Variants in ABLIM1 observed in about 807,000 individuals in gnomAD.
ABLIM1 encodes the protein actin-binding LIM protein 1.
Under a neutral mutation model 107.0 loss-of-function variants are expected in ABLIM1, and 40 were observed. The observed-to-expected ratio is 0.37, with a 90% CI of 0.29 to 0.49. The LOEUF is 0.49. Among genes scored for constraint, ABLIM1 ranks in the 20% least tolerant of loss-of-function variants. ABLIM1 has a pLI of 0.97. For synonymous variants in ABLIM1, 357 were observed against 357.3 expected (o/e 1.00, Z 0.01); for missense variants, 857 against 1,008.5 (o/e 0.85, Z 2.04).
upstream of ABLIM1, among the ~76,000 whole-genome samples, chr10:114,689,294 C>T (rs1566241417): frequency 6.6e-6 from 1 of 152,114 alleles, no homozygotes; most frequent in Non-Finnish European, 1.5e-5. Context: ...GCCAATAATA[C>T]CCATCCTATC....
intron 1 of ABLIM1, chr10:114,613,676 G>A (rs953599371): frequency 1.5e-6 from 2 of 1,326,556 alleles, no homozygotes; most frequent in East Asian, 5.0e-5. Context: ...TCCAGTGTCT[G>A]CACACCCACT....
intron 1 of ABLIM1, among the ~76,000 whole-genome samples, chr10:114,766,425 T>C (rs2142732429): frequency 6.6e-6 from 1 of 152,288 alleles, no homozygotes; most frequent in East Asian, 1.9e-4. Context: ...GAAGAAATGT[T>C]TGAGAACTCA....
intron 12 of ABLIM1, among the ~76,000 whole-genome samples, chr10:114,458,244 A>G (rs2063206907): frequency 6.6e-6 from 1 of 151,982 alleles, no homozygotes; most frequent in African/African-American, 2.4e-5. Flanking sequence ...AAGCTACTAT[A>G]TTTCTATTTA....
intron 1 of ABLIM1, among the ~76,000 whole-genome samples, chr10:114,701,820 T>C (rs771442432): frequency 9.2e-5 from 14 of 152,210 alleles, no homozygotes; most frequent in African/African-American, 2.9e-4. Context: ...TAGAGGTCTA[T>C]GGGTGACATA....
At chr10:114,559,620 G>A (rs2069367829) in intron 4 of ABLIM1, among the ~76,000 whole-genome samples, 1 of 152,128 alleles carries the variant, frequency 6.6e-6, no homozygotes, top group South Asian at 2.1e-4. Context: ...CTCTACCAGT[G>A]CTTCCCTGTG....
intron 1 of ABLIM1, among the ~76,000 whole-genome samples, chr10:114,750,731 T>C (rs892617546): frequency 2.6e-5 from 4 of 152,236 alleles, no homozygotes; most frequent in Non-Finnish European, 4.4e-5. Flanking sequence ...AAAGAAATTG[T>C]CCTAACAGGC....
At chr10:114,721,716 G>A (rs1036106060) in intron 1 of ABLIM1, among the ~76,000 whole-genome samples, 12 of 151,864 alleles carry the variant, frequency 7.9e-5, no homozygotes, top group East Asian at 3.9e-4. Context: ...TTGAACTCCC[G>A]ACCTCAGGTA....
At chr10:114,507,016 T>C (rs750105176) in intron 6 of ABLIM1, among the ~76,000 whole-genome samples, 5 of 152,226 alleles carry the variant, frequency 3.3e-5, no homozygotes, top group Admixed American at 6.5e-5. Context: ...CTCTGAGTTA[T>C]CAAGACTGTT....
At chr10:114,486,450 T>C (rs2058199960) in intron 8 of ABLIM1, among the ~76,000 whole-genome samples, 1 of 152,216 alleles carries the variant, frequency 6.6e-6, no homozygotes, top group Non-Finnish European at 1.5e-5. Context: ...CTTTACATTC[T>C]TACGATAAAA....
chr10:114,454,494 G>A (rs1324300515), intron 12 of ABLIM1, among the ~76,000 whole-genome samples: 1 of 152,098 alleles, frequency 6.6e-6, no homozygotes, highest in Non-Finnish European at 1.5e-5. Flanking sequence ...GTGGAAGGGT[G>A]CAGACTGGAG....
chr10:114,536,663 C>A (rs1453466712), intron 6 of ABLIM1, among the ~76,000 whole-genome samples: 1 of 152,150 alleles, frequency 6.6e-6, no homozygotes, highest in African/African-American at 2.4e-5. Flanking sequence ...CCACCTTTTG[C>A]TTAATTCATA....
At chr10:114,767,844 G>C (rs944648232) in intron 1 of ABLIM1, among the ~76,000 whole-genome samples, 3 of 152,148 alleles carry the variant, frequency 2.0e-5, no homozygotes, top group African/African-American at 7.2e-5. Flanking sequence ...GCGGGGCGCC[G>C]ACTTTGGCCC....
chr10:114,698,261 T>C (rs2081236186), intron 1 of ABLIM1, among the ~76,000 whole-genome samples: 1 of 150,962 alleles, frequency 6.6e-6, no homozygotes, highest in African/African-American at 2.4e-5. Context: ...GGGAAAAAAT[T>C]AAAAGAGCAA....
At chr10:114,643,312 G>C (rs2483521) in intron 1 of ABLIM1, among the ~76,000 whole-genome samples, 3,138 of 152,276 alleles carry the variant, frequency 0.021, 93 homozygotes, top group African/African-American at 0.071. Flanking sequence ...TGTTGTTCTC[G>C]TGTACACAGT....
the ABLIM1 span, among the ~76,000 whole-genome samples, chr10:114,774,740 G>A: frequency 6.6e-6 from 1 of 152,102 alleles, no homozygotes; most frequent in Admixed American, 6.5e-5. Context: ...ATGAGGGCTA[G>A]GGGCAGCATT....
At chr10:114,452,468 A>G (rs2062058078) in intron 13 of ABLIM1, among the ~76,000 whole-genome samples, 1 of 152,188 alleles carries the variant, frequency 6.6e-6, no homozygotes, top group African/African-American at 2.4e-5. Flanking sequence ...TTTAGAAAGG[A>G]CAGTCCCAAC....
At chr10:114,679,988 T>G (rs922003169) in intron 1 of ABLIM1, among the ~76,000 whole-genome samples, 1 of 152,202 alleles carries the variant, frequency 6.6e-6, no homozygotes, top group African/African-American at 2.4e-5. Flanking sequence ...GTTTGAAATT[T>G]TTACAATGAA....
At chr10:114,522,815 A>G (rs1351041989) in intron 6 of ABLIM1, among the ~76,000 whole-genome samples, 1 of 152,250 alleles carries the variant, frequency 6.6e-6, no homozygotes, top group Non-Finnish European at 1.5e-5. Flanking sequence ...CTTAAGGTAC[A>G]AGAAAGGCTC....
intron 12 of ABLIM1, among the ~76,000 whole-genome samples, chr10:114,454,820 G>T (rs1408876440): frequency 6.6e-6 from 1 of 152,266 alleles, no homozygotes; most frequent in East Asian, 1.9e-4. Flanking sequence ...TTTTACTGCT[G>T]AGTTGTAAGA....
Sources: gnomAD v4.1 joint callset for allele counts (sites outside exome capture counted in the v4.1 genomes callset) on GRCh38, gnomAD v4.1.1 for gene constraint, MANE v1.5 for transcripts, NCBI Gene and HGNC (gene_info 2026-07-23, HGNC 2026-07-21) for gene names.